NDST4: variants seen among roughly 807,000 people sequenced by gnomAD.
NDST4 encodes N-deacetylase and N-sulfotransferase 4.
NDST4 carries 63 observed loss-of-function variants against 100.8 expected under a neutral mutation model. The ratio of observed to expected loss-of-function variants is 0.62; its 90% confidence interval spans 0.51 to 0.77. NDST4 has a LOEUF of 0.77. Ranked by LOEUF, NDST4 falls within the 30% of genes least tolerant of loss-of-function variation. The pLI, the probability that NDST4 is intolerant of heterozygous loss-of-function variation, is 0.00. For missense variants in NDST4, 943 were observed against 1,018.4 expected, an observed-to-expected ratio of 0.93 and a Z score of 1.01; for synonymous variants, 377 against 361.8, an observed-to-expected ratio of 1.04 and a Z score of -0.48.
intron 2 of NDST4, among the ~76,000 whole-genome samples, chr4:115,046,188 C>G (rs1476961090): frequency 6.6e-6 from 1 of 152,112 alleles, no homozygotes; most frequent in Non-Finnish European, 1.5e-5. Flanking sequence ...GGCTTCCTAG[C>G]TGGTATCTCC....
At chr4:114,930,771 G>T (rs886502930) in intron 6 of NDST4, among the ~76,000 whole-genome samples, 2 of 152,060 alleles carry the variant, frequency 1.3e-5, no homozygotes, top group African/African-American at 4.8e-5. Flanking sequence ...CATTACAGAA[G>T]AAGAAATTAG....
chr4:114,974,607 C>A (rs745413586), intron 3 of NDST4, among the ~76,000 whole-genome samples: 24 of 152,090 alleles, frequency 1.6e-4, no homozygotes, highest in Non-Finnish European at 3.2e-4. Flanking sequence ...CAATTCCATT[C>A]AAGCTCTAAA....
intron 2 of NDST4, among the ~76,000 whole-genome samples, chr4:115,072,580 A>G (rs1713095542): frequency 6.6e-6 from 1 of 152,016 alleles, no homozygotes; most frequent in South Asian, 2.1e-4. Context: ...AAGAACGGAC[A>G]ATGGGGAAAG....
At chr4:114,904,540 A>G (rs1407135637) in intron 6 of NDST4, among the ~76,000 whole-genome samples, 1 of 151,934 alleles carries the variant, frequency 6.6e-6, no homozygotes, top group Non-Finnish European at 1.5e-5. Context: ...AAGAATAAAA[A>G]TGTGTGTTTT....
chr4:114,996,951 G>A (rs577553294), intron 2 of NDST4, among the ~76,000 whole-genome samples: 1 of 152,158 alleles, frequency 6.6e-6, no homozygotes, highest in South Asian at 2.1e-4. Context: ...AAATATCAAT[G>A]GTGCTGCAGG....
chr4:114,926,243 C>T (rs1023581173), intron 6 of NDST4, among the ~76,000 whole-genome samples: 3 of 152,012 alleles, frequency 2.0e-5, no homozygotes, highest in African/African-American at 7.2e-5. Context: ...GTTAAATAGA[C>T]AGATGTCGAA....
intron 1 of NDST4, among the ~76,000 whole-genome samples, chr4:115,083,416 C>T (rs1729342048): frequency 6.6e-6 from 1 of 152,136 alleles, no homozygotes; most frequent in Non-Finnish European, 1.5e-5. Context: ...GCTATGATTG[C>T]ACCACTGCAC....
At chr4:114,965,247 A>G (rs1489323688) in intron 4 of NDST4, among the ~76,000 whole-genome samples, 1 of 152,094 alleles carries the variant, frequency 6.6e-6, no homozygotes, top group East Asian at 1.9e-4. Context: ...AGCATTGTCA[A>G]CATTGAAAGG....
intron 2 of NDST4, among the ~76,000 whole-genome samples, chr4:115,034,149 G>A (rs1005948778): frequency 2.6e-5 from 4 of 152,038 alleles, no homozygotes; most frequent in Non-Finnish European, 4.4e-5. Context: ...TTATTCTTGA[G>A]TAGTAGCAGG....
In NDST4 at chr4:114,926,213, T is replaced by C. The variant is rs143239163; in HGVS notation, c.1536+8993A>G. On this transcript the variant is annotated intron_variant, in intron 6 of 13. Transcript: ENST00000264363. ...AGGCATGATAAGAATCTAAGAAAAA[T>C]AAGAGGGAGTTATCTGAATGTTAAA... 9.8e-3 allele frequency among the ~76,000 whole-genome samples: 1,483 copies of C among 151,994 alleles called. 78 individuals are homozygous for C. The South Asian group carries it at 0.16, about 16-fold the overall frequency.
In NDST4 at chr4:114,880,421, T is replaced by C. The variant is rs78919358; in HGVS notation, c.1537-9471A>G. Among the ~76,000 whole-genome samples the C allele has an allele frequency of 7.9e-3, 1,201 of 152,228 alleles. 12 individuals carry two copies. Among genetic ancestry groups the C allele is most frequent in the Non-Finnish European group, 0.014 (982 of 68,008 alleles). ...AGAGATTAAATCTCCCTTTCAACCA[T>C]GTTGCAATGATGCCACATAAAAGTC... On this transcript the variant is annotated intron_variant, in intron 6 of 13. Transcript: ENST00000264363.
Position 115,027,323 on chromosome 4 carries a change from AAC to A in NDST4, c.978+48734_978+48735del, listed in dbSNP as rs1198797598. Among the ~76,000 whole-genome samples the A allele has an allele frequency of 3.3e-5, 5 of 152,196 alleles. No homozygotes were observed. The South Asian group carries it at 8.3e-4, about 25-fold the overall frequency. On this transcript the variant is annotated intron_variant, in intron 2 of 13. Coordinates refer to ENST00000264363, the MANE Select transcript of NDST4 (RefSeq NM_022569.3). ...ATTTGGCTCTCAGCCTCTCTATTAA[AAC>A]AGTTTGCCAACCCATGCATTGATTT...
At chr4:114,960,754 G>A (rs1726245226) in intron 4 of NDST4, among the ~76,000 whole-genome samples, 1 of 151,884 alleles carries the variant, frequency 6.6e-6, no homozygotes, top group African/African-American at 2.4e-5. Flanking sequence ...AAGACAGGTG[G>A]GAGAAAAGCC....
At chr4:114,957,381 C>A (rs116957294) in intron 4 of NDST4, among the ~76,000 whole-genome samples, 2 of 152,132 alleles carry the variant, frequency 1.3e-5, no homozygotes. Context: ...ATCATCAGAT[C>A]TCATGAGATT....
chr4:114,963,653 G>T (rs992678609), intron 4 of NDST4, among the ~76,000 whole-genome samples: 1 of 152,116 alleles, frequency 6.6e-6, no homozygotes, highest in Non-Finnish European at 1.5e-5. Context: ...AGTAGAAGTG[G>T]TAAGACGTCA....
intron 6 of NDST4, among the ~76,000 whole-genome samples, chr4:114,891,557 G>A (rs181558209): frequency 6.6e-6 from 1 of 152,048 alleles, no homozygotes; most frequent in Non-Finnish European, 1.5e-5. Context: ...TTTTCTTGCC[G>A]TAATTTCTTC....
chr4:115,103,112 C>T (rs1423523367), intron 1 of NDST4, among the ~76,000 whole-genome samples: 1 of 152,108 alleles, frequency 6.6e-6, no homozygotes. Context: ...ACCTAGTTTA[C>T]AGAAAGGTCT....
At chr4:114,923,789 T>C (rs1366406755) in intron 6 of NDST4, among the ~76,000 whole-genome samples, 1 of 152,010 alleles carries the variant, frequency 6.6e-6, no homozygotes, top group African/African-American at 2.4e-5. Flanking sequence ...GTTGTGCTTT[T>C]GCTGTTGAAA....
In NDST4 at chr4:115,096,099, A is replaced by G. The variant is rs537730191; in HGVS notation, c.-247+17345T>C. On this transcript the variant is annotated intron_variant, in intron 1 of 13. Coordinates refer to ENST00000264363, the MANE Select transcript of NDST4 (RefSeq NM_022569.3). ...TTTATATACTCTCAAATCATTTTAC[A>G]CTCTTTTATTTCATGATGTACATTT... Among the ~76,000 whole-genome samples, 55 of 151,412 alleles carry G rather than the reference A, an allele frequency of 3.6e-4. 1 individual carries two copies. In the South Asian group the frequency reaches 4.4e-3, roughly 12 times the overall value.
Sources: allele counts gnomAD v4.1 joint callset (sites outside exome capture counted in the v4.1 genomes callset), GRCh38; gene constraint gnomAD v4.1.1; transcripts MANE v1.5; gene names NCBI Gene and HGNC (gene_info 2026-07-23, HGNC 2026-07-21).